Variants in AKT3 observed in about 807,000 individuals in gnomAD.
AKT3 encodes RAC-gamma serine/threonine-protein kinase.
A neutral mutation model predicts 65.3 loss-of-function variants in AKT3; 15 were observed. That is an observed-to-expected ratio of 0.23 (90% CI 0.15 to 0.35). AKT3 has a LOEUF of 0.35. AKT3 is among the 10% of genes least tolerant of loss of function. The probability of loss-of-function intolerance (pLI) is 1.00; values close to 1 mark genes in which losing one functional copy is unlikely to be tolerated. For missense variants in AKT3, 243 were observed against 576.5 expected (o/e 0.42, Z 5.92); for synonymous variants, 206 against 183.8 (o/e 1.12, Z -0.98).
intron 1 of AKT3, chr1:243,843,616 C>A: frequency 1.0e-6 from 1 of 973,734 alleles, no homozygotes; most frequent in Non-Finnish European, 1.2e-6. Context: ...AGTTAATTGC[C>A]CTAAATCCCT....
chr1:243,771,059 A>G (rs1230826266), intron 2 of AKT3, among the ~76,000 whole-genome samples: 1 of 152,188 alleles, frequency 6.6e-6, no homozygotes, highest in Non-Finnish European at 1.5e-5. Context: ...TACTGCATTC[A>G]TATGTACATG....
chr1:243,506,290 T>C (rs914140727), intron 13 of AKT3, among the ~76,000 whole-genome samples: 1 of 152,266 alleles, frequency 6.6e-6, no homozygotes, highest in Non-Finnish European at 1.5e-5. Context: ...TGTTTAATCA[T>C]ATGCTGTCCT....
At chr1:243,557,436 A>G (rs192895796) in intron 10 of AKT3, among the ~76,000 whole-genome samples, 2 of 152,234 alleles carry the variant, frequency 1.3e-5, no homozygotes, top group African/African-American at 4.8e-5. Context: ...AACATTGAAA[A>G]GAAGTTAGGG....
Position 243,506,691 on chromosome 1 carries a change from C to T in AKT3, c.1355-1357G>A, listed in dbSNP as rs369350400. Among the ~76,000 whole-genome samples the T allele has an allele frequency of 2.0e-4, 31 of 152,328 alleles. No individual in the cohort carries two copies. In the East Asian group the frequency reaches 3.5e-3, roughly 17 times the overall value. On this transcript the variant is annotated intron_variant, in intron 13 of 13. Transcript: ENST00000673466. ...TCCTCGTATTAGGTGAGAACTGATC[C>T]ATCAAGAAGCATTTGTGGCTCCCTG...
Position 243,505,995 on chromosome 1 carries a change from T to A in AKT3, c.1355-661A>T, listed in dbSNP as rs553584659. ...CCGCTGACAATCACAGTGTTCCTCC[T>A]GTCAGCTTTCCTGGTTTCCTGTATT... On this transcript the variant is annotated intron_variant, in intron 13 of 13. Coordinates refer to ENST00000673466, the MANE Select transcript of AKT3 (RefSeq NM_005465.7). Among the ~76,000 whole-genome samples the A allele has an allele frequency of 1.2e-4, 19 of 152,400 alleles. No individual in the cohort carries two copies. The East Asian group carries it at 3.7e-3, about 29-fold the overall frequency.
chr1:243,797,590 T>C (rs1031324718), intron 2 of AKT3, among the ~76,000 whole-genome samples: 1 of 152,216 alleles, frequency 6.6e-6, no homozygotes, highest in African/African-American at 2.4e-5. Context: ...AACAGCTAGT[T>C]AGGACAATTT....
intron 6 of AKT3, among the ~76,000 whole-genome samples, chr1:243,629,088 C>A (rs998674219): frequency 6.6e-5 from 10 of 151,946 alleles, no homozygotes; most frequent in African/African-American, 2.4e-4. Context: ...ACCAGCCTGA[C>A]CAACATGGTG....
intron 3 of AKT3, among the ~76,000 whole-genome samples, chr1:243,678,714 CT>C (rs1348720296): frequency 6.6e-6 from 1 of 152,164 alleles, no homozygotes; most frequent in African/African-American, 2.4e-5. Flanking sequence ...TGTGGTAAAA[CT>C]GAGTCTCAAA....
At chr1:243,535,816 T>C (rs879106274) in intron 12 of AKT3, among the ~76,000 whole-genome samples, 1 of 152,168 alleles carries the variant, frequency 6.6e-6, no homozygotes, top group East Asian at 1.9e-4. Flanking sequence ...TCCACAGAGG[T>C]TGTACTAATT....
At chr1:243,810,808 A>T (rs1693086557) in intron 2 of AKT3, among the ~76,000 whole-genome samples, 1 of 152,242 alleles carries the variant, frequency 6.6e-6, no homozygotes, top group South Asian at 2.1e-4. Context: ...ATCCAGCAGC[A>T]CATTAAAAAG....
chr1:243,602,714 AAATT>A (rs1423881945), intron 8 of AKT3, among the ~76,000 whole-genome samples: 1 of 152,194 alleles, frequency 6.6e-6, no homozygotes, highest in Non-Finnish European at 1.5e-5. Context: ...GTTATCAAAG[AAATT>A]AATATAGAGT....
chr1:243,621,868 T>A (rs1302651448), intron 6 of AKT3, among the ~76,000 whole-genome samples: 1 of 152,158 alleles, frequency 6.6e-6, no homozygotes, highest in Non-Finnish European at 1.5e-5. Flanking sequence ...TGGTTCTTCA[T>A]CAAAATACAC....
intron 3 of AKT3, among the ~76,000 whole-genome samples, chr1:243,672,054 A>G (rs1173962704): frequency 6.6e-6 from 1 of 152,184 alleles, no homozygotes; most frequent in African/African-American, 2.4e-5. Flanking sequence ...AAGCAAATCC[A>G]GGATAAGTTT....
chr1:243,811,493 T>C (rs1056563477), intron 2 of AKT3, among the ~76,000 whole-genome samples: 2 of 152,168 alleles, frequency 1.3e-5, no homozygotes, highest in African/African-American at 4.8e-5. Flanking sequence ...CAAGGAGAAC[T>C]ACAAACCACT....
intron 2 of AKT3, among the ~76,000 whole-genome samples, chr1:243,781,375 A>C (rs566365487): frequency 6.6e-6 from 1 of 152,176 alleles, no homozygotes; most frequent in Admixed American, 6.5e-5. Flanking sequence ...GCGTTGGTTC[A>C]TTTTGTTTTA....
intron 8 of AKT3, among the ~76,000 whole-genome samples, chr1:243,593,238 C>G (rs1340590871): frequency 6.6e-6 from 1 of 152,170 alleles, no homozygotes; most frequent in Non-Finnish European, 1.5e-5. Flanking sequence ...GAGTACAGAT[C>G]AATATCCCTC....
At position 243,843,701 on chromosome 1, in the gene AKT3, G is replaced by A. The variant is rs1695386499; in HGVS notation, c.-112-419C>T. On this transcript the variant is annotated intron_variant, in intron 1 of 13. Transcript: ENST00000673466. ...GGAATCTCACTCTGTCGCCAGGCTGGAGTACAGTGGCGCGATCTCTGCTCA... is the reference window on the plus strand; with the variant it reads ...GGAATCTCACTCTGTCGCCAGGCTGAAGTACAGTGGCGCGATCTCTGCTCA... 5 of 482,608 alleles carry A rather than the reference G, an allele frequency of 1.0e-5. No homozygotes were observed. The South Asian group carries it at 3.6e-4, about 35-fold the overall frequency. 29.9% of individuals were successfully genotyped at this position (482,608 alleles called of 1,614,324 possible).
chr1:243,733,441 T>C (rs1687672155), intron 2 of AKT3, among the ~76,000 whole-genome samples: 1 of 152,200 alleles, frequency 6.6e-6, no homozygotes, highest in South Asian at 2.1e-4. Flanking sequence ...ATACAGCAGC[T>C]AAAAGGCATA....
At chr1:243,849,220 CT>C (rs1420724852) in intron 1 of AKT3, among the ~76,000 whole-genome samples, 1 of 152,246 alleles carries the variant, frequency 6.6e-6, no homozygotes, top group Non-Finnish European at 1.5e-5. Flanking sequence ...GGTCTGTTTA[CT>C]TGCAGCCAGA....
Sources: allele counts gnomAD v4.1 joint callset (sites outside exome capture counted in the v4.1 genomes callset), GRCh38; gene constraint gnomAD v4.1.1; transcripts MANE v1.5; gene names NCBI Gene and HGNC (gene_info 2026-07-23, HGNC 2026-07-21).